LRRC7: variants seen among roughly 807,000 people sequenced by gnomAD.
LRRC7 encodes leucine-rich repeat-containing protein 7.
In LRRC7, 23 loss-of-function variants were observed where a neutral mutation model predicts 175.7. The observed-to-expected ratio is 0.13, with a 90% confidence interval of 0.09 to 0.19. LRRC7 has a LOEUF of 0.19. LRRC7 is among the 10% of genes least tolerant of loss of function. The pLI, the probability that LRRC7 is intolerant of heterozygous loss-of-function variation, is 1.00. For synonymous variants in LRRC7, 685 were observed against 680.9 expected (o/e 1.01, Z -0.09); for missense variants, 1,354 against 1,904.7 (o/e 0.71, Z 5.38).
intron 8 of LRRC7, among the ~76,000 whole-genome samples, chr1:69,951,508 G>A (rs979917571): frequency 6.6e-6 from 1 of 151,892 alleles, no homozygotes; most frequent in Non-Finnish European, 1.5e-5. Flanking sequence ...TTGCAGCGCA[G>A]TTCACAATAG....
intron 2 of LRRC7, among the ~76,000 whole-genome samples, chr1:69,683,503 G>A (rs973725205): frequency 2.0e-5 from 3 of 151,930 alleles, no homozygotes; most frequent in Admixed American, 2.0e-4. Flanking sequence ...CTATTCCTGT[G>A]CTCTCTGTGC....
intron 7 of LRRC7, among the ~76,000 whole-genome samples, chr1:69,877,439 C>A (rs945980206): frequency 6.6e-6 from 1 of 152,062 alleles, no homozygotes; most frequent in African/African-American, 2.4e-5. Context: ...GGCAACAGAA[C>A]AAGACCCTGT....
intron 7 of LRRC7, among the ~76,000 whole-genome samples, chr1:69,902,315 AT>A (rs1646157735): frequency 6.6e-6 from 1 of 152,216 alleles, no homozygotes; most frequent in Non-Finnish European, 1.5e-5. Context: ...CACACCTGTA[AT>A]CCCAGCACTT....
chr1:69,709,054 A>C (rs888138126), intron 2 of LRRC7, among the ~76,000 whole-genome samples: 2 of 152,228 alleles, frequency 1.3e-5, no homozygotes, highest in African/African-American at 4.8e-5. Flanking sequence ...CAGAGCACTC[A>C]GATTGTTCCC....
chr1:69,963,951 G>A (rs1168220238), intron 8 of LRRC7, among the ~76,000 whole-genome samples: 4 of 152,068 alleles, frequency 2.6e-5, no homozygotes, highest in Non-Finnish European at 4.4e-5. Flanking sequence ...ATCATTGAAC[G>A]AAATAAGGTC....
At chr1:69,758,631 G>A (rs540311922) in intron 2 of LRRC7, among the ~76,000 whole-genome samples, 5 of 152,006 alleles carry the variant, frequency 3.3e-5, no homozygotes, top group African/African-American at 9.6e-5. Context: ...TACCCAACAG[G>A]TAGTTTTTTG....
intron 4 of LRRC7, among the ~76,000 whole-genome samples, chr1:69,808,785 C>T (rs1677446781): frequency 6.6e-6 from 1 of 152,072 alleles, no homozygotes; most frequent in African/African-American, 2.4e-5. Context: ...AAATTTATAG[C>T]ACTAAATGCC....
At chr1:69,601,351 C>A (rs1339585543) in intron 1 of LRRC7, among the ~76,000 whole-genome samples, 1 of 152,164 alleles carries the variant, frequency 6.6e-6, no homozygotes, top group Non-Finnish European at 1.5e-5. Context: ...TCCATTACTG[C>A]GTGGATCATT....
At chr1:69,596,148 A>G (rs1437172850) in intron 1 of LRRC7, among the ~76,000 whole-genome samples, 2 of 152,104 alleles carry the variant, frequency 1.3e-5, no homozygotes, top group African/African-American at 2.4e-5. Flanking sequence ...AGGCAAGTCC[A>G]TTATAAGAAG....
At chr1:69,779,013 CACAA>C (rs1341466642) in intron 3 of LRRC7, among the ~76,000 whole-genome samples, 1 of 149,714 alleles carries the variant, frequency 6.7e-6, no homozygotes, top group African/African-American at 2.4e-5. Context: ...TATACACACA[CACAA>C]ACATATATAT....
At chr1:69,778,836 T>C (rs1673117810) in intron 3 of LRRC7, among the ~76,000 whole-genome samples, 1 of 151,720 alleles carries the variant, frequency 6.6e-6, no homozygotes, top group South Asian at 2.1e-4. Flanking sequence ...TTGTCACTCA[T>C]GACTGATCAG....
Position 69,589,008 on chromosome 1 carries a change from T to TGTGTGTGTGTGG in LRRC7, c.2+20368_2+20369insTGTGTGTGTGGG, listed in dbSNP as rs756682853. 4.0e-5 allele frequency among the ~76,000 whole-genome samples: 6 copies of TGTGTGTGTGTGG among 151,560 alleles called. No homozygotes were observed. The South Asian group carries it at 1.3e-3, about 32-fold the overall frequency. ...GTCTGTGTGTGTGTGTGTGTGTGTG[T>TGTGTGTGTGTGG]GCGTGCATGTGATGTAATATACATG... On this transcript the variant is annotated intron_variant, in intron 1 of 26. Transcript: ENST00000651989.
chr1:69,971,618 T>C (rs951587960), intron 8 of LRRC7, among the ~76,000 whole-genome samples: 1 of 152,032 alleles, frequency 6.6e-6, no homozygotes, highest in African/African-American at 2.4e-5. Context: ...AAAGAAATCA[T>C]AGATGACACA....
chr1:69,764,581 G>A (rs1671393758), intron 3 of LRRC7, among the ~76,000 whole-genome samples: 1 of 151,860 alleles, frequency 6.6e-6, no homozygotes, highest in African/African-American at 2.4e-5. Flanking sequence ...TTTTGACCCA[G>A]GCAAATCTGG....
chr1:69,729,034 G>A (rs1458756754), intron 2 of LRRC7, among the ~76,000 whole-genome samples: 2 of 152,136 alleles, frequency 1.3e-5, no homozygotes, highest in Non-Finnish European at 2.9e-5. Flanking sequence ...TGAGCGAAAG[G>A]CAGGGAAAGC....
chr1:69,902,233 A>G (rs1240975714), intron 7 of LRRC7, among the ~76,000 whole-genome samples: 1 of 152,174 alleles, frequency 6.6e-6, no homozygotes, highest in Admixed American at 6.5e-5. Flanking sequence ...GATGTTTGTT[A>G]AATTGATTTT....
chr1:69,897,293 A>T (rs1040253628), intron 7 of LRRC7, among the ~76,000 whole-genome samples: 4 of 152,170 alleles, frequency 2.6e-5, no homozygotes, highest in African/African-American at 9.6e-5. Context: ...TCATATCATT[A>T]TGTTTCCTCA....
chr1:69,746,244 C>T (rs1287549713), intron 2 of LRRC7, among the ~76,000 whole-genome samples: 9 of 151,962 alleles, frequency 5.9e-5, no homozygotes, highest in Admixed American at 5.9e-4. Context: ...CATTCATTTT[C>T]ACAGGATGTC....
At chr1:69,895,478 C>T (rs1645953994) in intron 7 of LRRC7, among the ~76,000 whole-genome samples, 1 of 151,906 alleles carries the variant, frequency 6.6e-6, no homozygotes, top group Non-Finnish European at 1.5e-5. Flanking sequence ...CTAAATAAAA[C>T]AGAAAAATGT....
Sources: gnomAD v4.1 joint callset for allele counts (sites outside exome capture counted in the v4.1 genomes callset) on GRCh38, gnomAD v4.1.1 for gene constraint, MANE v1.5 for transcripts, NCBI Gene and HGNC (gene_info 2026-07-23, HGNC 2026-07-21) for gene names.